APLF: variants seen among roughly 807,000 people sequenced by gnomAD.
APLF encodes the protein aprataxin and PNKP like factor.
Under a neutral mutation model 55.6 loss-of-function variants are expected in APLF, and 61 were observed. The observed-to-expected ratio is 1.10, with a 90% CI of 0.89 to 1.36. The LOEUF is 1.36. APLF is among the 40% of genes most tolerant of loss of function. The pLI is 0.00. For synonymous variants in APLF, 207 were observed against 214.8 expected (o/e 0.96, Z 0.32); for missense variants, 611 against 602.5 (o/e 1.01, Z -0.15).
At chr2:68,524,587 T>G (rs139632502) in intron 5 of APLF, among the ~76,000 whole-genome samples, 264 of 152,344 alleles carry the variant, frequency 1.7e-3, no homozygotes, top group African/African-American at 6.2e-3. Flanking sequence ...CTGTTTACTC[T>G]CTGGCTTTTT....
At chr2:68,503,319 A>C (rs1254935127) in intron 3 of APLF, among the ~76,000 whole-genome samples, 1 of 152,144 alleles carries the variant, frequency 6.6e-6, no homozygotes, top group Non-Finnish European at 1.5e-5. Flanking sequence ...TCTTATAAAA[A>C]TAGCAGAAAA....
chr2:68,493,212 ACCTTAG>A (rs1317792359), intron 2 of APLF, among the ~76,000 whole-genome samples: 1 of 152,176 alleles, frequency 6.6e-6, no homozygotes, highest in African/African-American at 2.4e-5. Context: ...ACTGAAAGCA[ACCTTAG>A]ATTTGGACTT....
rs1371013001 is a variant in APLF, at chr2:68,516,922, T to TATATATA, written c.622+3255_622+3261dup. Among the ~76,000 whole-genome samples, 471 of 126,612 alleles carry TATATATA rather than the reference T, an allele frequency of 3.7e-3. 4 individuals are homozygous for TATATATA. Among genetic ancestry groups the TATATATA allele is most frequent in the African/African-American group, 0.014 (445 of 32,738 alleles). 83.1% of individuals were successfully genotyped at this position (126,612 alleles called of 152,430 possible). A position where few individuals can be genotyped will look rare whatever the true frequency, so the allele number is the denominator to read the frequency against. ...ATATATTATATATCCTATATAACAT[T>TATATATA]ATATATAATATATAATATAATATAT... On this transcript the variant is annotated intron_variant, in intron 5 of 9. Transcript: ENST00000303795.
At chr2:68,483,262 A>C (rs1676021091) in intron 1 of APLF, among the ~76,000 whole-genome samples, 1 of 152,140 alleles carries the variant, frequency 6.6e-6, no homozygotes, top group Non-Finnish European at 1.5e-5. Context: ...CAAACAGCTC[A>C]AGGCTTGTAA....
intron 6 of APLF, among the ~76,000 whole-genome samples, chr2:68,526,505 A>T (rs1670057486): frequency 1.3e-5 from 2 of 152,218 alleles, no homozygotes. Flanking sequence ...GTGCTTTATG[A>T]GGCTCATGCT....
rs751667170 is a variant in APLF at position 68,577,975 on chromosome 2, G to A, written c.1489G>A (p.Val497Met). ...PGKEDEEKED[V>M]EELLKEAKRF... is the part of the protein sequence containing the mutation. The stretch of plus-strand genomic sequence containing the variant: ...AAAGGAAGATGAAGAGAAGGAAGAT[G>A]TGGAAGAGCTTTTGAAAGAAGCAAA... The change falls in exon 10 of 10, where the codon GTG becomes ATG. Residue 497 changes from valine to methionine, a missense_variant. By Grantham distance (21) the Val-to-Met change is conservative. Transcript: ENST00000303795. The A allele has an allele frequency of 1.2e-6, 2 of 1,613,444 alleles. No individual in the cohort carries two copies. The highest frequency in any genetic ancestry group is 2.2e-5 in the East Asian group (1 of 44,800).
chr2:68,535,263 T>C (rs866755924), intron 6 of APLF: 41 of 409,534 alleles, frequency 1.0e-4, no homozygotes, highest in African/African-American at 8.0e-4. Context: ...ATTTTTTATT[T>C]TTAAATGGCA....
chr2:68,551,952 A>G (rs1670879710), intron 8 of APLF, among the ~76,000 whole-genome samples: 3 of 152,070 alleles, frequency 2.0e-5, no homozygotes, highest in African/African-American at 7.2e-5. Flanking sequence ...GATAGATAGT[A>G]GCTAGTTTGG....
chr2:68,467,880 G>T (rs1039476906), intron 1 of APLF, 53 bp downstream of exon 1: 1 of 1,207,514 alleles, frequency 8.3e-7, no homozygotes. Flanking sequence ...GTTCCGCGCC[G>T]GCTCCTGAAG....
chr2:68,506,442 G>C (rs542791606), intron 3 of APLF, among the ~76,000 whole-genome samples: 15 of 151,882 alleles, frequency 9.9e-5, no homozygotes, highest in Admixed American at 3.9e-4. Context: ...TCTTGATATC[G>C]TTGGGGTTTT....
chr2:68,554,844 A>C (rs1670960626), intron 8 of APLF, among the ~76,000 whole-genome samples: 1 of 152,032 alleles, frequency 6.6e-6, no homozygotes, highest in South Asian at 2.1e-4. Context: ...ATTCATATGG[A>C]ACTAAAACAA....
intron 8 of APLF, among the ~76,000 whole-genome samples, chr2:68,547,740 T>C (rs962102987): frequency 7.9e-5 from 12 of 151,658 alleles, no homozygotes; most frequent in Admixed American, 3.3e-4. Context: ...CAAAATAATA[T>C]AGCTTTATTT....
chr2:68,546,811 A>G (rs1027151071), intron 8 of APLF, among the ~76,000 whole-genome samples: 8 of 151,912 alleles, frequency 5.3e-5, no homozygotes, highest in Admixed American at 1.3e-4. Flanking sequence ...TACTTAAAAT[A>G]TTAAAAATTT....
chr2:68,491,156 A>G (rs1401295329), intron 2 of APLF, among the ~76,000 whole-genome samples: 1 of 152,214 alleles, frequency 6.6e-6, no homozygotes, highest in African/African-American at 2.4e-5. Flanking sequence ...TGAATAAATA[A>G]TCTTTAAAAG....
intron 1 of APLF, among the ~76,000 whole-genome samples, chr2:68,482,392 C>T (rs1175322221): frequency 6.6e-6 from 1 of 151,996 alleles, no homozygotes; most frequent in Non-Finnish European, 1.5e-5. Flanking sequence ...CCTCAGTGGC[C>T]TAGGCTGTGG....
chr2:68,502,926 G>C (rs768361768), intron 3 of APLF, 23 bp downstream of exon 3: 2 of 1,581,906 alleles, frequency 1.3e-6, no homozygotes, highest in Admixed American at 3.8e-5. Context: ...TGAAATGAGA[G>C]TAAGAATGTT....
Position 68,467,694 on chromosome 2 carries a change from GC to G in APLF, c.-36del. The G allele has an allele frequency of 8.1e-7, 1 of 1,229,302 alleles. No homozygotes were observed. The highest frequency in any genetic ancestry group is 1.0e-6 in the Non-Finnish European group (1 of 983,220). 76.1% of individuals were successfully genotyped at this position (1,229,302 alleles called of 1,614,324 possible). ...TGTGGAGGGCGGAAACAGCGGAGGG[GC>G]CAGTCTCCTGGCGAAGGGGCCTAAT... On this transcript the variant is annotated 5_prime_UTR_variant, in exon 1 of 10. Coordinates refer to ENST00000303795, the MANE Select transcript of APLF (RefSeq NM_173545.3).
At chr2:68,473,451 C>A (rs1261271155) in intron 1 of APLF, among the ~76,000 whole-genome samples, 1 of 152,148 alleles carries the variant, frequency 6.6e-6, no homozygotes, top group African/African-American at 2.4e-5. Context: ...ATGGATAATA[C>A]AACTACAAAC....
At chr2:68,488,003 C>T (rs972154502) in intron 1 of APLF, among the ~76,000 whole-genome samples, 1 of 149,244 alleles carries the variant, frequency 6.7e-6, no homozygotes, top group African/African-American at 2.6e-5. Flanking sequence ...CTTTTATCTT[C>T]GTAGTGTCAG....
Sources: allele counts gnomAD v4.1 joint callset (sites outside exome capture counted in the v4.1 genomes callset), GRCh38; gene constraint gnomAD v4.1.1; transcripts MANE v1.5; gene names NCBI Gene and HGNC (gene_info 2026-07-23, HGNC 2026-07-21).